The following KIF3B variants were observed in gnomAD, a reference collection of about 807,000 sequenced individuals.
The protein encoded by KIF3B is kinesin-like protein KIF3B.
KIF3B carries 38 observed loss-of-function variants against 74.3 expected under a neutral mutation model. The ratio of observed to expected loss-of-function variants is 0.51; its 90% CI spans 0.39 to 0.67. The LOEUF is 0.67. Among genes scored for constraint, KIF3B ranks in the 30% least tolerant of loss-of-function variants. The pLI, the probability that KIF3B is intolerant of heterozygous loss-of-function variation, is 0.00. For synonymous variants in KIF3B, 326 were observed against 342.5 expected (o/e 0.95, Z 0.53); for missense variants, 649 against 932.0 (o/e 0.70, Z 3.95).
At chr20:32,308,581 T>G (rs2047783927) in intron 1 of KIF3B, among the ~76,000 whole-genome samples, 2 of 152,064 alleles carry the variant, frequency 1.3e-5, no homozygotes. Flanking sequence ...CAGCCAATTT[T>G]TGTATTTTTT....
chr20:32,283,919 C>T (rs540857114), intron 1 of KIF3B, among the ~76,000 whole-genome samples: 1 of 151,874 alleles, frequency 6.6e-6, no homozygotes, highest in African/African-American at 2.4e-5. Flanking sequence ...AGGCATGAGC[C>T]GCTAATTTTT....
chr20:32,290,332 G>A (rs944496381), intron 1 of KIF3B, among the ~76,000 whole-genome samples: 6 of 152,036 alleles, frequency 3.9e-5, no homozygotes, highest in Admixed American at 3.9e-4. Flanking sequence ...GCAGTGAGCC[G>A]AGATCACGCC....
At chr20:32,303,562 T>TA (rs113124237) in intron 1 of KIF3B, among the ~76,000 whole-genome samples, 366 of 138,202 alleles carry the variant, frequency 2.6e-3, no homozygotes, top group East Asian at 4.9e-3. Context: ...GAGACTCCGT[T>TA]AAAAAAAAAA....
At chr20:32,324,520 G>A (rs1175157035) in intron 5 of KIF3B, among the ~76,000 whole-genome samples, 1 of 152,104 alleles carries the variant, frequency 6.6e-6, no homozygotes, top group Admixed American at 6.6e-5. Flanking sequence ...TCTCTCATGA[G>A]GTCTGGGCAA....
At chr20:32,297,609 T>A (rs768500199) in intron 1 of KIF3B, among the ~76,000 whole-genome samples, 16 of 152,314 alleles carry the variant, frequency 1.1e-4, no homozygotes, top group Non-Finnish European at 2.2e-4. Context: ...CGGGCCTTTC[T>A]TAATCAAATC....
Position 32,310,932 on chromosome 20 carries a change from A to G in KIF3B, c.1155A>G (p.Glu385=). ...GGAAGAGGCGAGAGAAGCGGAGGGAAGGTGGTGGCAGTGGTGGGGGTGGGG... is the reference window on the plus strand; with the variant it reads ...GGAAGAGGCGAGAGAAGCGGAGGGAGGGTGGTGGCAGTGGTGGGGGTGGGG... ...GRRKRREKRR[E]GGGSGGGGEE... is the part of the protein sequence containing the mutation. Residue 385 remains glutamate, a synonymous_variant, in exon 2 of 9, where the codon GAA becomes GAG. Coordinates refer to ENST00000375712, the MANE Select transcript of KIF3B (RefSeq NM_004798.4). The surrounding 1 kb of genome is among the most constrained non-coding windows in gnomAD (Gnocchi z 6.5). 1 of 835,310 alleles carries G rather than the reference A, an allele frequency of 1.2e-6. No homozygotes were observed. Among genetic ancestry groups the G allele is most frequent in the East Asian group, 4.6e-5 (1 of 21,520 alleles). The allele number at this position is 835,310 out of a possible 1,614,324, so 51.7% of individuals were successfully genotyped here.
At chr20:32,300,663 C>T (rs540586011) in intron 1 of KIF3B, among the ~76,000 whole-genome samples, 1 of 152,288 alleles carries the variant, frequency 6.6e-6, no homozygotes, top group African/African-American at 2.4e-5. Context: ...ATCCTCCCAC[C>T]TCGGCCTCGC....
Position 32,277,709 on chromosome 20 carries a change from G to A in KIF3B, c.-122G>A. The A allele has an allele frequency of 5.1e-6, 1 of 195,706 alleles. No individual in the cohort carries two copies. Among genetic ancestry groups the A allele is most frequent in the Non-Finnish European group, 1.0e-5 (1 of 98,638 alleles). The allele number at this position is 195,706 out of a possible 1,614,324, so 12.1% of individuals were successfully genotyped here. ...GCTGAGCCAGGGGTTCGCCGCCCCC[G>A]CCGCCGCCGCCGCCGCCGCCGCCGC... On this transcript the variant is annotated 5_prime_UTR_variant, in exon 1 of 9. Coordinates refer to ENST00000375712, the MANE Select transcript of KIF3B (RefSeq NM_004798.4).
At position 32,311,031 on chromosome 20, in the gene KIF3B, A is replaced by G. The variant is rs2047797776; in HGVS notation, c.1254A>G (p.Gln418=). Residue 418 remains glutamine, a synonymous_variant, in exon 2 of 9, where the codon CAA becomes CAG. Transcript: ENST00000375712. ...AGGATGATTACTGGCGGGAACAGCA[A>G]GAAAAACTGGAGATTGAGAAGCGGG... ...DDKDDYWREQ[Q]EKLEIEKRAI... 2 of 1,613,694 alleles carry G rather than the reference A, an allele frequency of 1.2e-6. No individual in the cohort carries two copies. The highest frequency in any genetic ancestry group is 1.7e-6 in the Non-Finnish European group (2 of 1,179,862).
chr20:32,284,520 G>A (rs2047658724), intron 1 of KIF3B, among the ~76,000 whole-genome samples: 1 of 152,134 alleles, frequency 6.6e-6, no homozygotes, highest in Non-Finnish European at 1.5e-5. Flanking sequence ...TGGGTGTAGT[G>A]GCTCACGCTT....
chr20:32,305,879 G>C (rs2047768067), intron 1 of KIF3B, among the ~76,000 whole-genome samples: 1 of 151,454 alleles, frequency 6.6e-6, no homozygotes, highest in East Asian at 1.9e-4. Context: ...ACCACACCTG[G>C]CTCCATTTTC....
At chr20:32,307,394 G>A (rs1482150858) in intron 1 of KIF3B, among the ~76,000 whole-genome samples, 1 of 151,992 alleles carries the variant, frequency 6.6e-6, no homozygotes, top group East Asian at 1.9e-4. Context: ...AACTGCATAG[G>A]ATTCCACATA....
At position 32,332,136 on chromosome 20, in the gene KIF3B, T is replaced by G. The variant is rs886928186; in HGVS notation, c.*817T>G. 3 of 152,734 alleles carry G rather than the reference T, an allele frequency of 2.0e-5. No homozygotes were observed. The highest frequency in any genetic ancestry group is 7.2e-5 in the African/African-American group (3 of 41,468). The allele number at this position is 152,734 out of a possible 1,614,324, so 9.5% of individuals were successfully genotyped here. A position where few individuals can be genotyped will look rare whatever the true frequency, so the allele number is the denominator to read the frequency against. On this transcript the variant is annotated 3_prime_UTR_variant, in exon 9 of 9. Transcript: ENST00000375712. ...TTTACTCTTCATTTGTCACCATCTTTTCCCATGCACGCATACTCTGAACAT... is the reference window on the plus strand; with the variant it reads ...TTTACTCTTCATTTGTCACCATCTTGTCCCATGCACGCATACTCTGAACAT...
chr20:32,301,085 CTTTTTTT>C (rs950388063), intron 1 of KIF3B, among the ~76,000 whole-genome samples: 1 of 90,170 alleles, frequency 1.1e-5, no homozygotes, highest in African/African-American at 4.0e-5. Context: ...GCTTCATGGT[CTTTTTTT>C]TTTTTTTTTT....
rs1194695385 is a variant in KIF3B, at chr20:32,333,951, G to A, written c.*2632G>A. ...AGAGCAGATTGTAGAATGTCGTGCT[G>A]TCACCAGAAAGCTGCTGTTTTGGGT... On this transcript the variant is annotated 3_prime_UTR_variant, in exon 9 of 9. Transcript: ENST00000375712. The A allele has an allele frequency of 6.6e-6, 1 of 152,618 alleles. No individual in the cohort carries two copies. Among genetic ancestry groups the A allele is most frequent in the Non-Finnish European group, 1.5e-5 (1 of 68,048 alleles). 9.5% of individuals were successfully genotyped at this position (152,618 alleles called of 1,614,324 possible). A position where few individuals can be genotyped will look rare whatever the true frequency, so the allele number is the denominator to read the frequency against.
intron 5 of KIF3B, among the ~76,000 whole-genome samples, chr20:32,318,563 G>A (rs568988239): frequency 6.6e-6 from 1 of 152,226 alleles, no homozygotes; most frequent in Non-Finnish European, 1.5e-5. Context: ...ACACTGTGTG[G>A]CCTTTTTGGC....
intron 5 of KIF3B, among the ~76,000 whole-genome samples, chr20:32,322,638 T>TTA (rs576417246): frequency 1.3e-5 from 1 of 77,540 alleles, no homozygotes; most frequent in Non-Finnish European, 2.4e-5. Context: ...TTATATATAT[T>TTA]TATATATATA....
chr20:32,281,976 C>T (rs951335516), intron 1 of KIF3B, among the ~76,000 whole-genome samples: 2 of 151,976 alleles, frequency 1.3e-5, no homozygotes, highest in African/African-American at 4.8e-5. Flanking sequence ...TGGTAGGGAG[C>T]GCTCAGATCA....
At chr20:32,318,024 C>A (rs944871332) in intron 5 of KIF3B, among the ~76,000 whole-genome samples, 1 of 152,030 alleles carries the variant, frequency 6.6e-6, no homozygotes, top group African/African-American at 2.4e-5. Flanking sequence ...CAAATCAGTC[C>A]GGGCATGGTG....
Sources: allele counts gnomAD v4.1 joint callset (sites outside exome capture counted in the v4.1 genomes callset), GRCh38; gene constraint gnomAD v4.1.1; non-coding constraint Gnocchi (gnomAD v3.1); transcripts MANE v1.5; gene names NCBI Gene and HGNC (gene_info 2026-07-23, HGNC 2026-07-21).